The following FOCAD variants were observed in gnomAD, a reference collection of about 807,000 sequenced individuals.
FOCAD encodes KIAA1797.
A neutral mutation model predicts 225.6 loss-of-function variants in FOCAD; 198 were observed. The observed-to-expected ratio is 0.88, with a 90% CI of 0.78 to 0.99. The LOEUF (loss-of-function observed/expected upper bound fraction) is 0.99. FOCAD is among the 50% of genes least tolerant of loss of function. FOCAD has a pLI of 0.00. For missense variants in FOCAD, 2,713 were observed against 2,123.6 expected (o/e 1.28, Z -5.46); for synonymous variants, 897 against 755.0 (o/e 1.19, Z -3.08).
At chr9:20,968,431 C>CTTTTTTTTTTTTTTTT (rs35624897) in intron 35 of FOCAD, among the ~76,000 whole-genome samples, 1 of 43,636 alleles carries the variant, frequency 2.3e-5, no homozygotes, top group Non-Finnish European at 4.0e-5. Context: ...TTTTCTTATT[C>CTTTTTTTTTTTTTTTT]TTTTTTTTTT....
chr9:20,693,380 C>T (rs1045395349), intron 1 of FOCAD, among the ~76,000 whole-genome samples: 2 of 152,210 alleles, frequency 1.3e-5, no homozygotes, highest in African/African-American at 4.8e-5. Context: ...ACCTCTCTCT[C>T]TAATACTGTC....
At chr9:20,771,654 C>T (rs1032188941) in intron 8 of FOCAD, among the ~76,000 whole-genome samples, 2 of 152,134 alleles carry the variant, frequency 1.3e-5, no homozygotes, top group Non-Finnish European at 2.9e-5. Context: ...ACTCATGATG[C>T]TGAGGCAGGA....
intron 40 of FOCAD, 103 bp downstream of exon 40, chr9:20,986,568 A>T (rs1398788212): frequency 1.8e-6 from 2 of 1,099,440 alleles, no homozygotes; most frequent in African/African-American, 1.6e-5. Context: ...TTTAGTGCTT[A>T]TTGACACAGG....
At chr9:20,736,233 T>TTA (rs1420064330) in intron 4 of FOCAD, among the ~76,000 whole-genome samples, 12 of 152,228 alleles carry the variant, frequency 7.9e-5, no homozygotes, top group Non-Finnish European at 1.5e-4. Context: ...GGATTTTTTT[T>TTA]ATCCTTTGAG....
At chr9:20,939,150 C>CAAAAAAA (rs565280892) in intron 28 of FOCAD, among the ~76,000 whole-genome samples, 1 of 72,494 alleles carries the variant, frequency 1.4e-5, no homozygotes, top group Non-Finnish European at 2.7e-5. Context: ...ACTCTCTTCT[C>CAAAAAAA]AAAAAAAAAA....
At position 20,995,371 on chromosome 9, in the gene FOCAD, A is replaced by AC. The variant is rs1564259669; in HGVS notation, c.5333-185_5333-184insC. ...ATTGCAGGGTAACTTAAAAAAAAAA[A>AC]AAAAAACAACTTTCCCCCCAACATT... is the stretch of plus-strand genomic sequence containing the variant. On this transcript the variant is annotated intron_variant, in intron 43 of 43. Coordinates refer to ENST00000338382, the MANE Select transcript of FOCAD (RefSeq NM_001375567.1). Among the ~76,000 whole-genome samples, 177 of 81,872 alleles carry AC rather than the reference A, an allele frequency of 2.2e-3. 1 individual carries two copies. Among genetic ancestry groups the AC allele is most frequent in the African/African-American group, 6.9e-3 (139 of 20,074 alleles). 53.7% of individuals were successfully genotyped at this position (81,872 alleles called of 152,430 possible).
chr9:20,893,571 A>G (rs1831815992), intron 21 of FOCAD, among the ~76,000 whole-genome samples: 1 of 152,142 alleles, frequency 6.6e-6, no homozygotes, highest in African/African-American at 2.4e-5. Context: ...TAAAGAATCC[A>G]TATCCTTACA....
chr9:20,797,696 T>C (rs140642619), intron 11 of FOCAD, among the ~76,000 whole-genome samples: 33 of 152,340 alleles, frequency 2.2e-4, no homozygotes, highest in African/African-American at 7.7e-4. Flanking sequence ...GCATTGATTT[T>C]GTACCCTGAG....
Position 20,987,494 on chromosome 9 carries a change from C to T in FOCAD, c.4907-838C>T, listed in dbSNP as rs373862163. Among the ~76,000 whole-genome samples, 47 of 149,786 alleles carry T rather than the reference C, an allele frequency of 3.1e-4. 1 individual carries two copies. Among genetic ancestry groups the T allele is most frequent in the African/African-American group, 1.1e-3 (43 of 40,546 alleles). On this transcript the variant is annotated intron_variant, in intron 40 of 43. Coordinates refer to ENST00000338382, the MANE Select transcript of FOCAD (RefSeq NM_001375567.1). ...CTGCACTCCAGCCTGGGTGACAGAGCGAGACTGCATCTTGAAAAAAAAAAA... is the reference window on the plus strand; with the variant it reads ...CTGCACTCCAGCCTGGGTGACAGAGTGAGACTGCATCTTGAAAAAAAAAAA...
At chr9:20,728,472 T>G (rs560674149) in intron 4 of FOCAD, among the ~76,000 whole-genome samples, 1 of 152,348 alleles carries the variant, frequency 6.6e-6, no homozygotes, top group African/African-American at 2.4e-5. Flanking sequence ...ATTTTCAACT[T>G]GTGGTGTCAC....
At chr9:20,968,675 G>A (rs1298583801) in intron 35 of FOCAD, among the ~76,000 whole-genome samples, 1 of 151,850 alleles carries the variant, frequency 6.6e-6, no homozygotes, top group African/African-American at 2.4e-5. Flanking sequence ...CTGAAGTCAG[G>A]TGATCTGCCC....
chr9:20,906,993 C>T (rs1241914950), intron 21 of FOCAD, among the ~76,000 whole-genome samples, 157 bp from the exon 22 acceptor site: 1 of 152,026 alleles, frequency 6.6e-6, no homozygotes, highest in African/African-American at 2.4e-5. Flanking sequence ...TTAGGAATAT[C>T]CAAAAGATAT....
chr9:20,714,775 G>T (rs1196098862), intron 1 of FOCAD, among the ~76,000 whole-genome samples: 1 of 151,300 alleles, frequency 6.6e-6, no homozygotes, highest in Non-Finnish European at 1.5e-5. Context: ...AATATTAAAA[G>T]TTGGTGCTAA....
At chr9:20,896,160 TAAAC>T (rs1440517005) in intron 21 of FOCAD, among the ~76,000 whole-genome samples, 1 of 151,984 alleles carries the variant, frequency 6.6e-6, no homozygotes, top group Non-Finnish European at 1.5e-5. Flanking sequence ...TATGTGGGAA[TAAAC>T]ATTAATTGAT....
chr9:20,739,480 G>C (rs1199686969), intron 4 of FOCAD, among the ~76,000 whole-genome samples: 1 of 152,024 alleles, frequency 6.6e-6, no homozygotes, highest in Admixed American at 6.6e-5. Flanking sequence ...GCACATGCCT[G>C]TAATCCCAGC....
chr9:20,895,790 CTA>C (rs1200116407), intron 21 of FOCAD, among the ~76,000 whole-genome samples: 6 of 151,696 alleles, frequency 4.0e-5, no homozygotes, highest in African/African-American at 1.2e-4. Flanking sequence ...TTCAGATTTT[CTA>C]TATAGACACT....
Position 20,951,071 on chromosome 9 carries a change from C to CT in FOCAD, c.4025dup (p.Ser1343IlefsTer6). 6.2e-7 allele frequency: 1 copy of CT among 1,613,456 alleles called. No individual in the cohort carries two copies. The highest frequency in any genetic ancestry group is 8.5e-7 in the Non-Finnish European group (1 of 1,179,468). On this transcript the variant is annotated frameshift_variant, in exon 34 of 44. Transcript: ENST00000338382. LOFTEE classifies it high-confidence loss of function. ...TCTTGGACATCTTCATCTATCTACT[C>CT]TATCCTCAAGTCAAAGTAGAGCCTC...
chr9:20,981,826 T>A, intron 38 of FOCAD, 140 bp downstream of exon 38: 2 of 950,616 alleles, frequency 2.1e-6, no homozygotes, highest in East Asian at 2.5e-5. Context: ...TTACTAGGAG[T>A]GTATTTGTTT....
intron 10 of FOCAD, chr9:20,787,087 CAAACAAACAAAT>C (rs1169207043): frequency 1.3e-5 from 4 of 304,100 alleles, no homozygotes; most frequent in South Asian, 5.7e-5. Context: ...GGCAAACAAA[CAAACAAACAAAT>C]AAACAAACAA....
Sources: gnomAD v4.1 joint callset for allele counts (sites outside exome capture counted in the v4.1 genomes callset) on GRCh38, gnomAD v4.1.1 for gene constraint, MANE v1.5 for transcripts, NCBI Gene and HGNC (gene_info 2026-07-23, HGNC 2026-07-21) for gene names.